INSL6: variants seen among roughly 807,000 people sequenced by gnomAD.
INSL6 encodes the protein insulin-like peptide INSL6.
A neutral mutation model predicts 9.4 loss-of-function variants in INSL6; 16 were observed. That is an observed-to-expected ratio of 1.70 (90% CI 1.15 to 2.59). INSL6 has a LOEUF of 2.59. Among genes scored for constraint, INSL6 ranks in the 30% most tolerant of loss-of-function variants. The probability of loss-of-function intolerance (pLI) is 0.00; values close to 1 mark genes in which losing one functional copy is unlikely to be tolerated. For missense variants in INSL6, 391 were observed against 257.3 expected (o/e 1.52, Z -3.56); for synonymous variants, 154 against 96.9 (o/e 1.59, Z -3.46).
intron 1 of INSL6, among the ~76,000 whole-genome samples, chr9:5,182,187 A>C (rs959040502): frequency 1.3e-4 from 20 of 152,154 alleles, no homozygotes; most frequent in African/African-American, 4.8e-4. Flanking sequence ...AACTGAATAA[A>C]TCAGTAAAAT....
At chr9:5,145,494 C>T (rs772836708) in intron 2 of INSL6, among the ~76,000 whole-genome samples, 5 of 152,134 alleles carry the variant, frequency 3.3e-5, no homozygotes, top group Non-Finnish European at 7.4e-5. Context: ...TGAATTTGAA[C>T]GTTTGCCTGT....
At chr9:5,106,310 T>C in the INSL6 span, among the ~76,000 whole-genome samples, 1 of 152,228 alleles carries the variant, frequency 6.6e-6, no homozygotes, top group African/African-American at 2.4e-5. Flanking sequence ...TTATCATCAC[T>C]GGTCATCAGA....
the INSL6 span, chr9:5,109,477 A>G: frequency 6.6e-6 from 1 of 152,276 alleles, no homozygotes; most frequent in African/African-American, 2.4e-5. Flanking sequence ...CATTGGTGCA[A>G]CTCCAAAGAA....
the INSL6 span, among the ~76,000 whole-genome samples, chr9:5,019,960 G>C: frequency 1.3e-5 from 2 of 152,178 alleles, no homozygotes; most frequent in Non-Finnish European, 1.5e-5. Context: ...ATTAGCCCCA[G>C]GGTGGCTTAC....
intron 2 of INSL6, chr9:5,133,700 A>G (rs1824335200): frequency 6.6e-6 from 1 of 152,034 alleles, no homozygotes; most frequent in Non-Finnish European, 1.5e-5. Context: ...GGTCACCAAC[A>G]TGAAGACCAA....
the INSL6 span, among the ~76,000 whole-genome samples, chr9:5,106,904 A>T: frequency 0.22 from 32,909 of 151,912 alleles, 3,776 homozygotes; most frequent in East Asian, 0.29. Context: ...CGGGGGAGGG[A>T]TAGCATTAGG....
At chr9:5,041,066 T>C in the INSL6 span, 1 of 690,402 alleles carries the variant, frequency 1.4e-6, no homozygotes, top group Admixed American at 2.1e-5. Flanking sequence ...AGGGCGTCCC[T>C]CAGGTCTACT....
At chr9:5,111,550 C>G in the INSL6 span, 1 of 368,070 alleles carries the variant, frequency 2.7e-6, no homozygotes. Context: ...CCGCCCCCTT[C>G]TACATGGCAG....
At chr9:5,038,960 A>G in the INSL6 span, among the ~76,000 whole-genome samples, 4 of 152,116 alleles carry the variant, frequency 2.6e-5, no homozygotes, top group South Asian at 2.1e-4. Context: ...CCAGCATCCC[A>G]TCATTATAAA....
chr9:5,089,725 A>G, the INSL6 span: 1 of 1,577,916 alleles, frequency 6.3e-7, no homozygotes, highest in Non-Finnish European at 8.6e-7. Flanking sequence ...ACAGGACAAC[A>G]CTGGGGAGGT....
At chr9:5,040,647 C>T in the INSL6 span, among the ~76,000 whole-genome samples, 3 of 152,226 alleles carry the variant, frequency 2.0e-5, no homozygotes, top group Non-Finnish European at 4.4e-5. Flanking sequence ...AAAAAGTAGG[C>T]AAGGGACTTG....
chr9:5,121,092 T>C (rs972918203), downstream of INSL6, among the ~76,000 whole-genome samples: 1 of 152,170 alleles, frequency 6.6e-6, no homozygotes, highest in African/African-American at 2.4e-5. Context: ...AAACCTTCAA[T>C]TTAGAAGAGG....
intron 3 of INSL6, among the ~76,000 whole-genome samples, chr9:5,131,067 T>C (rs1167167472): frequency 2.6e-5 from 4 of 152,106 alleles, no homozygotes; most frequent in African/African-American, 9.7e-5. Context: ...TATAAGATTG[T>C]GAGTTGGAAT....
the INSL6 span, chr9:5,112,767 G>A: frequency 2.7e-5 from 17 of 618,470 alleles, no homozygotes; most frequent in African/African-American, 1.3e-4. Flanking sequence ...AAGGTGTCGC[G>A]CGTGTTCGGA....
intron 3 of INSL6, among the ~76,000 whole-genome samples, chr9:5,130,707 T>C (rs1057296944): frequency 6.7e-6 from 1 of 148,220 alleles, no homozygotes; most frequent in African/African-American, 2.6e-5. Flanking sequence ...TTTTCTTTTT[T>C]TTATTTTTTT....
chr9:5,064,881 A>C, the INSL6 span: 1 of 1,558,268 alleles, frequency 6.4e-7, no homozygotes, highest in Non-Finnish European at 8.7e-7. Flanking sequence ...TTCTCTGCTT[A>C]GGAAATTGAA....
the INSL6 span, among the ~76,000 whole-genome samples, chr9:5,033,004 A>G: frequency 2.6e-5 from 4 of 152,206 alleles, no homozygotes; most frequent in South Asian, 2.1e-4. Flanking sequence ...TTGAAAAAAA[A>G]TTAGACAAAT....
the INSL6 span, among the ~76,000 whole-genome samples, chr9:5,117,370 A>G: frequency 1.3e-5 from 2 of 152,222 alleles, no homozygotes; most frequent in Non-Finnish European, 2.9e-5. Context: ...TGAGATTCAT[A>G]TTTTAGAAAG....
At chr9:5,109,748 T>A in the INSL6 span, 1 of 152,222 alleles carries the variant, frequency 6.6e-6, no homozygotes, top group Non-Finnish European at 1.5e-5. Flanking sequence ...ATAATATTTA[T>A]TCTAGTAGCA....
Sources: allele counts gnomAD v4.1 joint callset (sites outside exome capture counted in the v4.1 genomes callset), GRCh38; gene constraint gnomAD v4.1.1; transcripts MANE v1.5; gene names NCBI Gene and HGNC (gene_info 2026-07-23, HGNC 2026-07-21).